TMEM63C: variants seen among roughly 807,000 people sequenced by gnomAD.
TMEM63C encodes the protein osmosensitive cation channel TMEM63C.
In TMEM63C, 32 loss-of-function variants were observed where a neutral mutation model predicts 99.2. The observed-to-expected ratio is 0.32, with a 90% CI of 0.24 to 0.43. The LOEUF (loss-of-function observed/expected upper bound fraction) is 0.43, where lower values mean the gene tolerates loss of function less well. TMEM63C is among the 20% of genes least tolerant of loss of function. The pLI, the probability that TMEM63C is intolerant of heterozygous loss-of-function variation, is 1.00. For missense variants in TMEM63C, 826 were observed against 1,053.0 expected (o/e 0.78, Z 2.98); for synonymous variants, 376 against 397.9 (o/e 0.94, Z 0.66).
At chr14:77,190,611 T>G (rs1005112426) in intron 1 of TMEM63C, among the ~76,000 whole-genome samples, 1 of 152,122 alleles carries the variant, frequency 6.6e-6, no homozygotes, top group African/African-American at 2.4e-5. Context: ...AATTCCATAG[T>G]AGAAAAACTA....
chr14:77,213,930 T>C (rs548207333), intron 2 of TMEM63C, among the ~76,000 whole-genome samples: 1 of 152,138 alleles, frequency 6.6e-6, no homozygotes, highest in East Asian at 1.9e-4. Flanking sequence ...ATCTAGAGGG[T>C]GGGAGTGGGA....
chr14:77,225,044 C>G (rs1888792591), intron 5 of TMEM63C, among the ~76,000 whole-genome samples: 1 of 152,180 alleles, frequency 6.6e-6, no homozygotes, highest in Non-Finnish European at 1.5e-5. Context: ...CAAACTCCCA[C>G]TCGGACAGAG....
At chr14:77,215,614 A>AAAAAAAAAAAAAAAG (rs772701077) in intron 2 of TMEM63C, among the ~76,000 whole-genome samples, 4 of 76,524 alleles carry the variant, frequency 5.2e-5, no homozygotes, top group African/African-American at 2.2e-4. Context: ...AAAAAAAAAA[A>AAAAAAAAAAAAAAAG]AAAAGAAAAG....
chr14:77,256,171 A>G (rs975034340), intron 23 of TMEM63C, among the ~76,000 whole-genome samples: 1 of 152,230 alleles, frequency 6.6e-6, no homozygotes, highest in Non-Finnish European at 1.5e-5. Context: ...AAGGTGCACT[A>G]GCTCAGGAAA....
At chr14:77,204,325 G>T (rs774663833) in intron 1 of TMEM63C, among the ~76,000 whole-genome samples, 1 of 152,172 alleles carries the variant, frequency 6.6e-6, no homozygotes, top group African/African-American at 2.4e-5. Flanking sequence ...AAAGCCCTAG[G>T]GGGAGACAGA....
intron 2 of TMEM63C, among the ~76,000 whole-genome samples, chr14:77,217,247 G>C (rs78819875): frequency 2.0e-5 from 3 of 151,926 alleles, no homozygotes; most frequent in Non-Finnish European, 4.4e-5. Flanking sequence ...CCAACTCTCC[G>C]GGCAAGCTCG....
At position 77,233,432 on chromosome 14, in the gene TMEM63C, G is replaced by A. The variant is rs772455653; in HGVS notation, c.494-20G>A. On this transcript the variant is annotated intron_variant, in intron 7 of 23. Transcript: ENST00000298351. ...AACTGAGGAGCCAGGCTCGAGGTCA[G>A]CAACTTCTTTCTCTTTCAGACTGGA... The A allele has an allele frequency of 2.5e-6, 4 of 1,612,156 alleles. No individual in the cohort carries two copies. The highest frequency in any genetic ancestry group is 2.5e-6 in the Non-Finnish European group (3 of 1,179,202).
At chr14:77,208,616 T>C (rs1293049364) in intron 1 of TMEM63C, among the ~76,000 whole-genome samples, 7 of 152,238 alleles carry the variant, frequency 4.6e-5, no homozygotes, top group Admixed American at 1.3e-4. Context: ...ACCTTTTAAC[T>C]TTCCAGCTTC....
chr14:77,246,525 G>A (rs1424265013), intron 17 of TMEM63C, 84 bp from the exon 18 acceptor site: 12 of 1,195,320 alleles, frequency 1.0e-5, no homozygotes, highest in African/African-American at 3.0e-5. Context: ...TTTCTTTGGA[G>A]ATTGGGCAAG....
At chr14:77,242,661 C>T (rs1352199130) in intron 14 of TMEM63C, among the ~76,000 whole-genome samples, 192 bp downstream of exon 14, 1 of 152,116 alleles carries the variant, frequency 6.6e-6, no homozygotes, top group East Asian at 1.9e-4. Context: ...GCATCCAACC[C>T]TTAGCAAAAA....
intron 6 of TMEM63C, among the ~76,000 whole-genome samples, chr14:77,230,372 T>C (rs1888916974): frequency 6.6e-6 from 1 of 152,138 alleles, no homozygotes; most frequent in African/African-American, 2.4e-5. Flanking sequence ...AGCTGAACTT[T>C]ATGTTTGAAA....
intron 2 of TMEM63C, among the ~76,000 whole-genome samples, chr14:77,215,070 C>T (rs1888557171): frequency 6.6e-6 from 1 of 152,192 alleles, no homozygotes; most frequent in Admixed American, 6.5e-5. Context: ...TCTTCCACAC[C>T]TGCAACCATA....
chr14:77,244,291 G>A (rs1214149479), intron 15 of TMEM63C, 58 bp from the exon 16 acceptor site: 1 of 1,312,688 alleles, frequency 7.6e-7, no homozygotes, highest in East Asian at 2.3e-5. Flanking sequence ...GAAGAAGCAA[G>A]GGGAAGAGGA....
chr14:77,199,643 C>T (rs1435237115), intron 1 of TMEM63C, among the ~76,000 whole-genome samples: 1 of 152,196 alleles, frequency 6.6e-6, no homozygotes, highest in Non-Finnish European at 1.5e-5. Context: ...TCTCTGAGCC[C>T]CACAGCTTGG....
At chr14:77,194,332 ATATATGTG>A (rs1167077287) in intron 1 of TMEM63C, among the ~76,000 whole-genome samples, 657 of 59,398 alleles carry the variant, frequency 0.011, 7 homozygotes, top group African/African-American at 0.036. Flanking sequence ...ATAGATATAT[ATATATGTG>A]TGTGTGTGTG....
intron 5 of TMEM63C, among the ~76,000 whole-genome samples, chr14:77,222,938 C>G (rs1020748219): frequency 2.6e-5 from 4 of 152,184 alleles, no homozygotes; most frequent in African/African-American, 9.7e-5. Flanking sequence ...ATTTGCTCAC[C>G]ACTGCACCCC....
In TMEM63C at chr14:77,225,331, C is replaced by G. The variant is rs1381589716; in HGVS notation, c.313-93C>G. The stretch of plus-strand genomic sequence containing the variant: ...AAGGAGGCCCCGGACGCTGCCGCGG[C>G]TGCCTCAGATGACCTGGCCGCCTGG... On this transcript the variant is annotated intron_variant, in intron 5 of 23. Transcript: ENST00000298351. 7.4e-6 allele frequency: 9 copies of G among 1,213,344 alleles called. No individual in the cohort carries two copies. The African/African-American group carries it at 1.2e-4, about 17-fold the overall frequency. 75.2% of individuals were successfully genotyped at this position (1,213,344 alleles called of 1,614,324 possible). A position where few individuals can be genotyped will look rare whatever the true frequency, so the allele number is the denominator to read the frequency against.
intron 8 of TMEM63C, 58 bp from the exon 9 acceptor site, chr14:77,236,566 C>T (rs1191831799): frequency 9.6e-6 from 12 of 1,244,218 alleles, no homozygotes; most frequent in African/African-American, 7.4e-5. Flanking sequence ...GGTCTCTGTG[C>T]AGTGGGCTCT....
At chr14:77,241,369 G>GC (rs2140126146) in intron 13 of TMEM63C, among the ~76,000 whole-genome samples, 1 of 152,024 alleles carries the variant, frequency 6.6e-6, no homozygotes, top group East Asian at 1.9e-4. Flanking sequence ...TCTCTTCTCT[G>GC]CCCCAGCCTC....
Sources: gnomAD v4.1 joint callset for allele counts (sites outside exome capture counted in the v4.1 genomes callset) on GRCh38, gnomAD v4.1.1 for gene constraint, MANE v1.5 for transcripts, NCBI Gene and HGNC (gene_info 2026-07-23, HGNC 2026-07-21) for gene names.